Variants in BID observed in about 807,000 individuals in gnomAD.
BID encodes the protein BH3 interacting domain death agonist, also known as BH3-interacting domain death agonist.
In BID, 19 loss-of-function variants were observed where a neutral mutation model predicts 17.4. The ratio of observed to expected loss-of-function variants is 1.09; its 90% CI spans 0.76 to 1.60. BID has a LOEUF of 1.60. Ranked by LOEUF, BID falls within the 40% of genes most tolerant of loss-of-function variation. The pLI is 0.00. For synonymous variants in BID, 108 were observed against 102.8 expected, an observed-to-expected ratio of 1.05 and a Z score of -0.31; for missense variants, 226 against 256.0, an observed-to-expected ratio of 0.88 and a Z score of 0.80.
rs774617687 is a variant in BID, at chr22:17,735,591, C to G, written c.577G>C (p.Gly193Arg). 6.2e-7 allele frequency: 1 copy of G among 1,614,058 alleles called. No homozygotes were observed. Among genetic ancestry groups the G allele is most frequent in the African/African-American group, 1.3e-5 (1 of 74,926 alleles). Residue 193 changes from glycine to arginine, a missense_variant and splice_region_variant, in exon 6 of 6, where the codon GGG (glycine) becomes CGG (arginine). By Grantham distance (125) the Gly-to-Arg change is moderately radical. Transcript: ENST00000622694. The part of the protein sequence containing the change: ...RTYVRSLARN[G>R]MD ...CTGGAACTGTCCGTTCAGTCCATCC[C>G]CTAGAGCAAGAAAGGAGAAAAAGCC...
chr22:17,763,550 T>C (rs1178978882), intron 1 of BID, among the ~76,000 whole-genome samples: 1 of 152,162 alleles, frequency 6.6e-6, no homozygotes, highest in African/African-American at 2.4e-5. Flanking sequence ...GGCCTTATTA[T>C]AACTTTTAAC....
intron 4 of BID, among the ~76,000 whole-genome samples, 172 bp from the exon 5 acceptor site, chr22:17,738,401 A>G (rs181388): frequency 0.87 from 131,926 of 152,250 alleles, 57,512 homozygotes; most frequent in African/African-American, 0.97. Flanking sequence ...GGAAGACTGC[A>G]ATCACTCCCT....
Position 17,740,578 on chromosome 22 carries a change from C to T in BID, c.224-1090G>A, listed in dbSNP as rs71312078. The stretch of plus-strand genomic sequence containing the variant: ...CTGAGTAGCTGGGATTACAGGCGCC[C>T]GCCACCACACCCGGCTAATTTTTGT... On this transcript the variant is annotated intron_variant, in intron 3 of 5. Transcript: ENST00000622694. The T allele has an allele frequency of 9.5e-3, 1,660 of 174,802 alleles. 15 individuals carry two copies. The highest frequency in any genetic ancestry group is 0.015 in the South Asian group (132 of 8,800). The allele number at this position is 174,802 out of a possible 1,614,324, so 10.8% of individuals were successfully genotyped here.
At chr22:17,746,318 CAT>C (rs1188978612) in intron 2 of BID, among the ~76,000 whole-genome samples, 3 of 152,174 alleles carry the variant, frequency 2.0e-5, no homozygotes, top group African/African-American at 7.2e-5. Flanking sequence ...ATGTGACAAA[CAT>C]GTACACGTGC....
chr22:17,760,327 C>G (rs947884525), intron 1 of BID, among the ~76,000 whole-genome samples: 1 of 150,902 alleles, frequency 6.6e-6, no homozygotes, highest in Admixed American at 6.7e-5. Context: ...TGATGGGCAA[C>G]TGTAGTCCCA....
intron 1 of BID, among the ~76,000 whole-genome samples, chr22:17,767,222 T>C (rs1433182867): frequency 8.6e-4 from 32 of 37,176 alleles, no homozygotes; most frequent in Admixed American, 8.2e-3. Flanking sequence ...AGATTCCATC[T>C]CAAAAAAAAA....
chr22:17,771,077 G>C (rs1305273183), intron 1 of BID, among the ~76,000 whole-genome samples: 1 of 152,216 alleles, frequency 6.6e-6, no homozygotes, highest in African/African-American at 2.4e-5. Flanking sequence ...TTCAGGTCTG[G>C]TCTATGATCC....
chr22:17,751,296 C>A (rs60494266), intron 1 of BID, among the ~76,000 whole-genome samples: 1 of 151,008 alleles, frequency 6.6e-6, no homozygotes, highest in East Asian at 2.0e-4. Flanking sequence ...GGCGTGAACC[C>A]GGGAAGCGGA....
chr22:17,750,613 G>T (rs567702804), intron 1 of BID, among the ~76,000 whole-genome samples: 1 of 152,326 alleles, frequency 6.6e-6, no homozygotes, highest in African/African-American at 2.4e-5. Context: ...TGGATCATGA[G>T]GTCAGGAGAT....
At chr22:17,744,821 A>G (rs983425847) in intron 2 of BID, among the ~76,000 whole-genome samples, 3 of 152,216 alleles carry the variant, frequency 2.0e-5, no homozygotes, top group Admixed American at 1.3e-4. Context: ...GGGTGTGCCC[A>G]GACCAGAGAA....
At position 17,759,251 on chromosome 22, in the gene BID, A is replaced by C. The variant is rs866423432; in HGVS notation, c.-58-9077T>G. On this transcript the variant is annotated intron_variant, in intron 1 of 5. Transcript: ENST00000622694. ...TCTCAAAACAAAAAACAAAACAAAAAAAAAAAAACAAAAGAACCAGGTGTG... is the reference window on the plus strand; with the variant it reads ...TCTCAAAACAAAAAACAAAACAAAACAAAAAAAACAAAAGAACCAGGTGTG... 8.5e-4 allele frequency among the ~76,000 whole-genome samples: 103 copies of C among 121,310 alleles called. 1 individual carries two copies. The highest frequency in any genetic ancestry group is 2.6e-3 in the African/African-American group (90 of 34,258). 79.6% of individuals were successfully genotyped at this position (121,310 alleles called of 152,430 possible).
chr22:17,744,078 G>A, intron 2 of BID, 65 bp from the exon 3 acceptor site: 1 of 1,423,920 alleles, frequency 7.0e-7, no homozygotes, highest in Non-Finnish European at 9.8e-7. Context: ...CCTGCAAAGA[G>A]CTCCAGTTGC....
chr22:17,752,421 T>C (rs1311022119), intron 1 of BID, among the ~76,000 whole-genome samples: 2 of 152,126 alleles, frequency 1.3e-5, no homozygotes, highest in East Asian at 1.9e-4. Context: ...TTCAAATACA[T>C]AGCAAATACC....
intron 1 of BID, among the ~76,000 whole-genome samples, chr22:17,772,091 G>A (rs1601887885): frequency 6.6e-6 from 1 of 152,356 alleles, no homozygotes; most frequent in African/African-American, 2.4e-5. Flanking sequence ...TACACCATCT[G>A]GAGAATGGGG....
chr22:17,743,825 G>T lies in BID; in HGVS notation c.201C>A (p.Ser67=), dbSNP rs1475053434. 2 of 1,610,562 alleles carry T rather than the reference G, an allele frequency of 1.2e-6. No individual in the cohort carries two copies. The highest frequency in any genetic ancestry group is 2.7e-5 in the African/African-American group (2 of 74,914). Residue 67 remains serine (S), a synonymous_variant, in exon 3 of 6, where the codon TCC becomes TCA. Transcript: ENST00000622694. Reference sequence around the variant, plus strand: ...TACCTGCCTCTATTCTTCCCAAGCGGGAGTGGCTGCTGCGGTTGCCATCAG... The same window carrying T: ...TACCTGCCTCTATTCTTCCCAAGCGTGAGTGGCTGCTGCGGTTGCCATCAG... ...LQTDGNRSSH[S]RLGRIEADSE...
At position 17,773,476 on chromosome 22, in the gene BID, G is replaced by T; in HGVS notation, c.-59+905C>A. The T allele has an allele frequency of 1.1e-6, 1 of 893,474 alleles. No homozygotes were observed. The highest frequency in any genetic ancestry group is 2.0e-5 in the Admixed American group (1 of 49,326). The allele number at this position is 893,474 out of a possible 1,614,324, so 55.3% of individuals were successfully genotyped here. A position where few individuals can be genotyped will look rare whatever the true frequency, so the allele number is the denominator to read the frequency against. ...AGCGAGGACTGAGGGTGTGGATAAG[G>T]CTCCAGGAAGGGGGTGCAAGCCTGA... On this transcript the variant is annotated intron_variant, in intron 1 of 5. Coordinates refer to ENST00000622694, the MANE Select transcript of BID (RefSeq NM_001196.4). The surrounding 1 kb of genome is among the most constrained non-coding windows in gnomAD (Gnocchi z 4.4).
Position 17,750,149 on chromosome 22 carries a change from C to G in BID, c.-33G>C, listed in dbSNP as rs551411656. The G allele has an allele frequency of 1.2e-6, 2 of 1,613,308 alleles. No homozygotes were observed. The highest frequency in any genetic ancestry group is 2.2e-5 in the South Asian group (2 of 90,980). On this transcript the variant is annotated 5_prime_UTR_variant, in exon 2 of 6. Transcript: ENST00000622694. ...GCAGCGCGGCAGCTCCGACTCACTC[C>G]TGGTTCACAGTGTCCCAGTGGCGAC...
chr22:17,766,819 T>C (rs1026475677), intron 1 of BID, among the ~76,000 whole-genome samples: 1 of 147,892 alleles, frequency 6.8e-6, no homozygotes, highest in Middle Eastern at 4.0e-3. Flanking sequence ...CTGGATCTCC[T>C]GACCTCGTGA....
At chr22:17,766,522 C>T (rs1051197761) in intron 1 of BID, among the ~76,000 whole-genome samples, 7 of 152,058 alleles carry the variant, frequency 4.6e-5, no homozygotes, top group Admixed American at 6.6e-5. Flanking sequence ...CTCAGGTGAT[C>T]GACCCGCCTC....
Sources: gnomAD v4.1 joint callset for allele counts (sites outside exome capture counted in the v4.1 genomes callset) on GRCh38, gnomAD v4.1.1 for gene constraint, Gnocchi (gnomAD v3.1) non-coding constraint, MANE v1.5 for transcripts, NCBI Gene and HGNC (gene_info 2026-07-23, HGNC 2026-07-21) for gene names.